The following KCNQ1 variants were observed in gnomAD, a reference collection of about 807,000 sequenced individuals.
KCNQ1 encodes potassium voltage-gated channel subfamily Q member 1.
Under a neutral mutation model 72.4 loss-of-function variants are expected in KCNQ1, and 49 were observed. The observed-to-expected ratio is 0.68, with a 90% CI of 0.54 to 0.86. The LOEUF (loss-of-function observed/expected upper bound fraction) is 0.86. Ranked by LOEUF, KCNQ1 falls within the 40% of genes least tolerant of loss-of-function variation. The pLI, the probability that KCNQ1 is intolerant of heterozygous loss-of-function variation, is 0.00. For synonymous variants in KCNQ1, 450 were observed against 412.6 expected, an observed-to-expected ratio of 1.09 and a Z score of -1.10; for missense variants, 790 against 945.1, an observed-to-expected ratio of 0.84 and a Z score of 2.15.
Position 2,715,110 on chromosome 11 carries a change from G to T in KCNQ1, c.1514+53029G>T, listed in dbSNP as rs1025457076. Reference sequence around the variant, plus strand: ...CTGATGATACTTGGCGAGGATGACCGCAAGTGTCTTGACCCAAACATGAGA... The same window carrying T: ...CTGATGATACTTGGCGAGGATGACCTCAAGTGTCTTGACCCAAACATGAGA... On this transcript the variant is annotated intron_variant, in intron 11 of 15. Transcript: ENST00000155840. This position sits in a 1 kb window ranked among gnomAD's most constrained non-coding sequence, Gnocchi z 4.9. Among the ~76,000 whole-genome samples, 2 of 152,074 alleles carry T rather than the reference G, an allele frequency of 1.3e-5. No homozygotes were observed. Among genetic ancestry groups the T allele is most frequent in the African/African-American group, 4.8e-5 (2 of 41,392 alleles).
chr11:2,650,675 C>T (rs1247201804), intron 10 of KCNQ1: 1 of 398,608 alleles, frequency 2.5e-6, no homozygotes, highest in Non-Finnish European at 4.4e-6. Flanking sequence ...TTTTAAGCCT[C>T]TTCTCTGATT....
chr11:2,803,195 C>T lies in KCNQ1; in HGVS notation c.1794+25158C>T, dbSNP rs1353031618. On this transcript the variant is annotated intron_variant, in intron 15 of 15. Coordinates refer to ENST00000155840, the MANE Select transcript of KCNQ1 (RefSeq NM_000218.3). The surrounding 1 kb of genome is among the most constrained non-coding windows in gnomAD (Gnocchi z 6.4). ...GCACCCAGGAACCGCCCTGGCTTTG[C>T]TGGAGGACCTGCCATGGCTTTGCCA... is the stretch of plus-strand genomic sequence containing the variant. 1.3e-5 allele frequency among the ~76,000 whole-genome samples: 2 copies of T among 152,048 alleles called. No homozygotes were observed. The highest frequency in any genetic ancestry group is 4.8e-5 in the African/African-American group (2 of 41,368).
At position 2,463,190 on chromosome 11, in the gene KCNQ1, C is replaced by T. The variant is rs1033469125; in HGVS notation, c.386+17706C>T. Reference sequence around the variant, plus strand: ...GCTCCGTCCCTGGCTCAGCCTCTCCCGGCTGTGACCTTGGGGGACCATTGA... The same window carrying T: ...GCTCCGTCCCTGGCTCAGCCTCTCCTGGCTGTGACCTTGGGGGACCATTGA... On this transcript the variant is annotated intron_variant, in intron 1 of 15. Transcript: ENST00000155840. This position sits in a 1 kb window ranked among gnomAD's most constrained non-coding sequence, Gnocchi z 7.0. Among the ~76,000 whole-genome samples, 3 of 152,132 alleles carry T rather than the reference C, an allele frequency of 2.0e-5. No homozygotes were observed. The highest frequency in any genetic ancestry group is 4.4e-5 in the Non-Finnish European group (3 of 68,030).
rs1450624406 is a variant in KCNQ1 at position 2,550,884 on chromosome 11, G to T, written c.478-19744G>T. Among the ~76,000 whole-genome samples, 4 of 152,032 alleles carry T rather than the reference G, an allele frequency of 2.6e-5. No individual in the cohort carries two copies. The highest frequency in any genetic ancestry group is 1.9e-4 in the East Asian group (1 of 5,158). ...TGCCTGGGGAGGCTGCCAAGTGAGG[G>T]GGGGGCACAGACTGAGACAGGGTCC... On this transcript the variant is annotated intron_variant, in intron 2 of 15. Coordinates refer to ENST00000155840, the MANE Select transcript of KCNQ1 (RefSeq NM_000218.3). The surrounding 1 kb of genome is among the most constrained non-coding windows in gnomAD (Gnocchi z 6.0).
intron 12 of KCNQ1, among the ~76,000 whole-genome samples, chr11:2,770,150 C>T (rs1338198471): frequency 6.6e-6 from 1 of 152,188 alleles, no homozygotes; most frequent in Non-Finnish European, 1.5e-5. Flanking sequence ...CAGGCCACAC[C>T]TTCCACTCCA....
In KCNQ1 at chr11:2,513,804, G is replaced by A. The variant is rs554358383; in HGVS notation, c.387-14124G>A. On this transcript the variant is annotated intron_variant, in intron 1 of 15. Coordinates refer to ENST00000155840, the MANE Select transcript of KCNQ1 (RefSeq NM_000218.3). ...GCCTAGACTGGGCCTCCACCTCTGA[G>A]AAGCCCTCCCTTATTGCCCCTTCCA... Among the ~76,000 whole-genome samples, 6 of 152,356 alleles carry A rather than the reference G, an allele frequency of 3.9e-5. No homozygotes were observed. In the South Asian group the frequency reaches 1.0e-3, roughly 26 times the overall value.
rs1188961387 is a variant in KCNQ1, at chr11:2,477,623, G to A, written c.386+32139G>A. On this transcript the variant is annotated intron_variant, in intron 1 of 15. Coordinates refer to ENST00000155840, the MANE Select transcript of KCNQ1 (RefSeq NM_000218.3). This position sits in a 1 kb window ranked among gnomAD's most constrained non-coding sequence, Gnocchi z 5.0. ...AAAAATGACCACACATGTAGGCTAG[G>A]CACAGTAGTTCATGCCTGTAATCCC... Among the ~76,000 whole-genome samples the A allele has an allele frequency of 6.6e-6, 1 of 152,036 alleles. No individual in the cohort carries two copies. The highest frequency in any genetic ancestry group is 1.5e-5 in the Non-Finnish European group (1 of 68,002).
Position 2,663,614 on chromosome 11 carries a change from G to T in KCNQ1, c.1514+1533G>T. ...GCTCACCTTGGTTCTCTTGGTCACG[G>T]ACCAGCATCCAGACATGCAAAAAGT... On this transcript the variant is annotated intron_variant, in intron 11 of 15. Coordinates refer to ENST00000155840, the MANE Select transcript of KCNQ1 (RefSeq NM_000218.3). This position sits in a 1 kb window ranked among gnomAD's most constrained non-coding sequence, Gnocchi z 5.2. The T allele has an allele frequency of 2.5e-6, 1 of 398,620 alleles. No homozygotes were observed. The highest frequency in any genetic ancestry group is 1.3e-4 in the South Asian group (1 of 7,790). 24.7% of individuals were successfully genotyped at this position (398,620 alleles called of 1,614,324 possible).
chr11:2,684,442 G>A lies in KCNQ1; in HGVS notation c.1514+22361G>A, dbSNP rs147173878. On this transcript the variant is annotated intron_variant, in intron 11 of 15. Transcript: ENST00000155840. Reference sequence around the variant, plus strand: ...AGCACCACCTCTTTCATTTGAAAACGTGTTCTTTTGGCAAAAAGACTATGC... The same window carrying A: ...AGCACCACCTCTTTCATTTGAAAACATGTTCTTTTGGCAAAAAGACTATGC... 1.8e-3 allele frequency: 707 copies of A among 398,638 alleles called. 5 individuals carry two copies. The highest frequency in any genetic ancestry group is 0.013 in the African/African-American group (650 of 48,748). The allele number at this position is 398,638 out of a possible 1,614,324, so 24.7% of individuals were successfully genotyped here.
intron 10 of KCNQ1, chr11:2,616,756 G>A (rs1849071588): frequency 5.0e-6 from 2 of 397,762 alleles, no homozygotes; most frequent in Non-Finnish European, 8.9e-6. Context: ...AAGATATTTT[G>A]TATGATTTCT....
At chr11:2,445,540 G>C (rs895536381) in intron 1 of KCNQ1, 56 bp downstream of exon 1, 1 of 1,559,568 alleles carries the variant, frequency 6.4e-7, no homozygotes. Flanking sequence ...GAGCTGGTGT[G>C]GGGGAGCTCT....
At chr11:2,840,703 T>C (rs1485478665) in intron 15 of KCNQ1, among the ~76,000 whole-genome samples, 1 of 152,054 alleles carries the variant, frequency 6.6e-6, no homozygotes, top group South Asian at 2.1e-4. Context: ...ACGAGACAAA[T>C]AGCACACTAG....
chr11:2,846,335 G>C (rs144109555), intron 15 of KCNQ1, among the ~76,000 whole-genome samples: 1 of 152,184 alleles, frequency 6.6e-6, no homozygotes, highest in Non-Finnish European at 1.5e-5. Context: ...CCCTTATCGC[G>C]TGCTGATCTG....
Position 2,651,336 on chromosome 11 carries a change from C to T in KCNQ1, c.1394-10625C>T, listed in dbSNP as rs188375579. ...AGAACACTCCTCAGAGTTCTACAAG[C>T]GGCTGAGAGAGCTGGGGTATTTATC... On this transcript the variant is annotated intron_variant, in intron 10 of 15. Transcript: ENST00000155840. This position sits in a 1 kb window ranked among gnomAD's most constrained non-coding sequence, Gnocchi z 6.1. 6.0e-5 allele frequency: 24 copies of T among 398,716 alleles called. No individual in the cohort carries two copies. Among genetic ancestry groups the T allele is most frequent in the Admixed American group, 4.4e-4 (10 of 22,744 alleles). The allele number at this position is 398,716 out of a possible 1,614,324, so 24.7% of individuals were successfully genotyped here.
intron 11 of KCNQ1, among the ~76,000 whole-genome samples, chr11:2,700,800 C>T (rs983542194): frequency 3.3e-5 from 5 of 151,980 alleles, no homozygotes; most frequent in South Asian, 4.1e-4. Flanking sequence ...GGGCGTGACA[C>T]TTGACCGCGT....
At chr11:2,780,765 C>G (rs907971830) in intron 15 of KCNQ1, among the ~76,000 whole-genome samples, 1 of 152,194 alleles carries the variant, frequency 6.6e-6, no homozygotes, top group African/African-American at 2.4e-5. Flanking sequence ...CTCAGTTTCC[C>G]TGGCAGGGAG....
rs529044241 is a variant in KCNQ1 at position 2,603,585 on chromosome 11, G to A, written c.1393+14731G>A. ...CAATAACTAATCTTTCTCTCTATGG[G>A]TTTGCCTATTCTGGACATTTTATAT... On this transcript the variant is annotated intron_variant, in intron 10 of 15. Transcript: ENST00000155840. The surrounding 1 kb of genome is among the most constrained non-coding windows in gnomAD (Gnocchi z 4.1). Among the ~76,000 whole-genome samples the A allele has an allele frequency of 1.3e-5, 2 of 152,000 alleles. No homozygotes were observed. Among genetic ancestry groups the A allele is most frequent in the Admixed American group, 6.6e-5 (1 of 15,260 alleles).
intron 1 of KCNQ1, among the ~76,000 whole-genome samples, chr11:2,489,055 A>G (rs1846789124): frequency 6.6e-6 from 1 of 152,208 alleles, no homozygotes; most frequent in Non-Finnish European, 1.5e-5. Flanking sequence ...TTTGAGAACT[A>G]TCTACACAAA....
Position 2,778,171 on chromosome 11 carries a change from C to T in KCNQ1, c.1794+134C>T, listed in dbSNP as rs576244342. On this transcript the variant is annotated intron_variant, in intron 15 of 15. Coordinates refer to ENST00000155840, the MANE Select transcript of KCNQ1 (RefSeq NM_000218.3). Reference sequence around the variant, plus strand: ...TCCCGCCAGTGCCTACTGCAGCCTGCCCAGCAACTCCCAAGAGGGGCCCAG... The same window carrying T: ...TCCCGCCAGTGCCTACTGCAGCCTGTCCAGCAACTCCCAAGAGGGGCCCAG... The T allele has an allele frequency of 4.1e-5, 35 of 852,992 alleles. No homozygotes were observed. The African/African-American group carries it at 5.1e-4, about 13-fold the overall frequency. The allele number at this position is 852,992 out of a possible 1,614,324, so 52.8% of individuals were successfully genotyped here.
Sources: allele counts gnomAD v4.1 joint callset (sites outside exome capture counted in the v4.1 genomes callset), GRCh38; gene constraint gnomAD v4.1.1; non-coding constraint Gnocchi (gnomAD v3.1); transcripts MANE v1.5; gene names NCBI Gene and HGNC (gene_info 2026-07-23, HGNC 2026-07-21).